The following SRP19 variants were observed in gnomAD, a reference collection of about 807,000 sequenced individuals.
SRP19 encodes signal recognition particle 19 kDa protein.
Under a neutral mutation model 22.4 loss-of-function variants are expected in SRP19, and 11 were observed. The ratio of observed to expected loss-of-function variants is 0.49; its 90% CI spans 0.31 to 0.81. The LOEUF (loss-of-function observed/expected upper bound fraction) is 0.81. Among genes scored for constraint, SRP19 ranks in the 40% least tolerant of loss-of-function variants. The pLI, the probability that SRP19 is intolerant of heterozygous loss-of-function variation, is 0.05. For missense variants in SRP19, 168 were observed against 175.9 expected, an observed-to-expected ratio of 0.96 and a Z score of 0.25; for synonymous variants, 61 against 57.6, an observed-to-expected ratio of 1.06 and a Z score of -0.27.
chr5:112,867,744 T>A lies in SRP19; in HGVS notation c.*207T>A, dbSNP rs1401007462. The A allele has an allele frequency of 2.4e-6, 3 of 1,264,440 alleles. No homozygotes were observed. The highest frequency in any genetic ancestry group is 3.0e-6 in the Non-Finnish European group (3 of 1,003,770). 78.3% of individuals were successfully genotyped at this position (1,264,440 alleles called of 1,614,324 possible). A position where few individuals can be genotyped will look rare whatever the true frequency, so the allele number is the denominator to read the frequency against. On this transcript the variant is annotated 3_prime_UTR_variant, in exon 5 of 5. Transcript: ENST00000505459. ...CTCGCGTATATGCCGTATAAAAGAA[T>A]TTTTTTGTCTTTCAATGCAGTTTTT...
chr5:112,861,524 T>G, intron 1 of SRP19, 107 bp downstream of exon 1: 1 of 1,224,876 alleles, frequency 8.2e-7, no homozygotes, highest in Non-Finnish European at 1.2e-6. Flanking sequence ...GCCTAGCTGA[T>G]CCAACTCGCT....
intron 4 of SRP19, among the ~76,000 whole-genome samples, chr5:112,865,804 G>T (rs950685169): frequency 3.3e-5 from 5 of 152,208 alleles, no homozygotes; most frequent in Non-Finnish European, 7.3e-5. Flanking sequence ...ATGTTGGCCA[G>T]AATGGTCTCG....
At chr5:112,895,974 C>G (rs1455408793), downstream of SRP19, 1 of 152,262 alleles carries the variant, frequency 6.6e-6, no homozygotes, top group African/African-American at 2.4e-5. Flanking sequence ...TTACGAATTA[C>G]AACAGGCCAT....
chr5:112,865,478 AT>A (rs1468223557), intron 4 of SRP19, among the ~76,000 whole-genome samples: 1 of 152,232 alleles, frequency 6.6e-6, no homozygotes, highest in African/African-American at 2.4e-5. Flanking sequence ...ATCTCTGAAA[AT>A]TTTAATTTTT....
chr5:112,863,898 G>T (rs776177434), intron 2 of SRP19, among the ~76,000 whole-genome samples: 1 of 152,136 alleles, frequency 6.6e-6, no homozygotes. Flanking sequence ...CTCCTGAGCT[G>T]AAGTGATCTG....
exon 5 of SRP19, chr5:112,892,041 G>C: frequency 6.8e-7 from 1 of 1,478,214 alleles, no homozygotes; most frequent in Non-Finnish European, 9.5e-7. Context: ...AACAGGAGAA[G>C]AAAGAAAAAG....
At chr5:112,879,433 G>A (rs145948533) in intron 4 of SRP19, among the ~76,000 whole-genome samples, 3 of 151,956 alleles carry the variant, frequency 2.0e-5, no homozygotes, top group East Asian at 3.9e-4. Context: ...GGCATACATA[G>A]TATTTCCATA....
At chr5:112,891,650 T>C (rs1251095008) in exon 5 of SRP19, 1 of 1,608,608 alleles carries the variant, frequency 6.2e-7, no homozygotes, top group Non-Finnish European at 8.5e-7. Context: ...ATGGCTGCAC[T>C]TGAGAAGATG....
At chr5:112,895,842 T>G (rs557442414), downstream of SRP19, 32 of 152,272 alleles carry the variant, frequency 2.1e-4, no homozygotes, top group African/African-American at 7.5e-4. Flanking sequence ...GCCCTCAAAG[T>G]GCCAGCTGAT....
chr5:112,887,144 T>G (rs1202500834), intron 4 of SRP19: 2 of 1,611,370 alleles, frequency 1.2e-6, no homozygotes, highest in African/African-American at 2.7e-5. Flanking sequence ...TCAGCCCCAT[T>G]AGAAGGGCTC....
downstream of SRP19, among the ~76,000 whole-genome samples, chr5:112,873,117 T>C (rs1479039316): frequency 6.8e-6 from 1 of 147,778 alleles, no homozygotes; most frequent in Non-Finnish European, 1.5e-5. Context: ...CCCATCGTGC[T>C]GGGCAGCTAA....
chr5:112,891,921 G>A, exon 5 of SRP19: 1 of 1,281,492 alleles, frequency 7.8e-7, no homozygotes, highest in Non-Finnish European at 1.1e-6. Context: ...TCAGAATAAA[G>A]AAGGAAAAGG....
downstream of SRP19, chr5:112,897,351 TCACACACACACA>T (rs34612314): frequency 6.3e-4 from 62 of 97,818 alleles, 2 homozygotes; most frequent in Admixed American, 2.1e-3. Context: ...ACACATCCCA[TCACACACACACA>T]CACACACACA....
At chr5:112,886,937 G>C (rs749630382) in intron 4 of SRP19, 48 of 1,095,426 alleles carry the variant, frequency 4.4e-5, no homozygotes, top group Non-Finnish European at 6.3e-5. Context: ...AAGACAAGAA[G>C]GCCAGGAAGC....
intron 4 of SRP19, among the ~76,000 whole-genome samples, chr5:112,886,314 A>G (rs1180052190): frequency 6.6e-6 from 1 of 152,200 alleles, no homozygotes; most frequent in Non-Finnish European, 1.5e-5. Context: ...ATTCAGAACT[A>G]TAGGTTTTGA....
chr5:112,887,806 A>G (rs1396138875), intron 4 of SRP19, among the ~76,000 whole-genome samples: 1 of 152,122 alleles, frequency 6.6e-6, no homozygotes, highest in Non-Finnish European at 1.5e-5. Context: ...TTTTTAATTG[A>G]CAAGAATTCT....
intron 4 of SRP19, chr5:112,878,840 T>A (rs1294645612): frequency 6.2e-7 from 1 of 1,613,864 alleles, no homozygotes; most frequent in Non-Finnish European, 8.5e-7. Context: ...TCTTCGCTGT[T>A]TGTTTGTTAG....
chr5:112,871,447 T>G (rs1470240928), downstream of SRP19, among the ~76,000 whole-genome samples: 1 of 151,872 alleles, frequency 6.6e-6, no homozygotes, highest in Admixed American at 6.6e-5. Flanking sequence ...TATAAAAGTT[T>G]GTAATTAAAA....
chr5:112,864,106 G>T (rs560910736), intron 2 of SRP19, among the ~76,000 whole-genome samples: 1 of 152,200 alleles, frequency 6.6e-6, no homozygotes, highest in Non-Finnish European at 1.5e-5. Context: ...GTAGATACTA[G>T]CAGTTTTCTA....
Sources: gnomAD v4.1 joint callset for allele counts (sites outside exome capture counted in the v4.1 genomes callset) on GRCh38, gnomAD v4.1.1 for gene constraint, MANE v1.5 for transcripts, NCBI Gene and HGNC (gene_info 2026-07-23, HGNC 2026-07-21) for gene names.